PACSIN2: variants seen among roughly 807,000 people sequenced by gnomAD.
PACSIN2 encodes the protein protein kinase C and casein kinase substrate in neurons protein 2.
In PACSIN2, 25 loss-of-function variants were observed where a neutral mutation model predicts 63.8. The observed-to-expected ratio is 0.39, with a 90% CI of 0.29 to 0.55. PACSIN2 has a LOEUF of 0.55. PACSIN2 is among the 20% of genes least tolerant of loss of function. The probability of loss-of-function intolerance (pLI) is 0.62; values close to 1 mark genes in which losing one functional copy is unlikely to be tolerated. For synonymous variants in PACSIN2, 255 were observed against 256.2 expected (o/e 1.00, Z 0.05); for missense variants, 518 against 646.9 (o/e 0.80, Z 2.16).
rs115896675 is a variant in PACSIN2 at position 42,953,325 on chromosome 22, C to T, written c.-77-41168G>A. Reference sequence around the variant, plus strand: ...AAAAAAAAATGCAATGGAAAATGGGCATGATGAAATGCAATCAAAACAAAA... The same window carrying T: ...AAAAAAAAATGCAATGGAAAATGGGTATGATGAAATGCAATCAAAACAAAA... On this transcript the variant is annotated intron_variant, in intron 1 of 10. Coordinates refer to ENST00000263246, the MANE Select transcript of PACSIN2 (RefSeq NM_001184970.3). 7.8e-3 allele frequency among the ~76,000 whole-genome samples: 1,189 copies of T among 151,850 alleles called. 12 individuals carry two copies. Among genetic ancestry groups the T allele is most frequent in the African/African-American group, 0.026 (1,065 of 41,394 alleles).
intron 8 of PACSIN2, among the ~76,000 whole-genome samples, 183 bp from the exon 9 acceptor site, chr22:42,877,193 G>C (rs1020896268): frequency 6.6e-6 from 1 of 152,172 alleles, no homozygotes; most frequent in Admixed American, 6.5e-5. Flanking sequence ...TGTGAAACAC[G>C]GTCCAGGAGC....
chr22:43,013,762 T>C (rs760544361), intron 1 of PACSIN2, among the ~76,000 whole-genome samples: 11 of 152,248 alleles, frequency 7.2e-5, no homozygotes, highest in Non-Finnish European at 1.2e-4. Flanking sequence ...CTCTTTGAGC[T>C]GGTTTCCTGA....
chr22:42,961,566 G>C (rs1156609451), intron 1 of PACSIN2, among the ~76,000 whole-genome samples: 2 of 152,110 alleles, frequency 1.3e-5, no homozygotes, highest in Non-Finnish European at 2.9e-5. Flanking sequence ...GAAGCCAGGA[G>C]TTTGAGACCA....
intron 2 of PACSIN2, among the ~76,000 whole-genome samples, chr22:42,905,725 G>A (rs544745453): frequency 1.3e-5 from 2 of 152,294 alleles, no homozygotes; most frequent in East Asian, 1.9e-4. Flanking sequence ...CAGATTCGAC[G>A]GCCTGCAGCA....
chr22:42,989,892 A>G (rs1357144458), intron 1 of PACSIN2, among the ~76,000 whole-genome samples: 4 of 149,642 alleles, frequency 2.7e-5, no homozygotes, highest in African/African-American at 9.8e-5. Flanking sequence ...ATATACACAC[A>G]CACACACATA....
chr22:42,975,019 C>T (rs1324526737), intron 1 of PACSIN2, among the ~76,000 whole-genome samples: 1 of 152,184 alleles, frequency 6.6e-6, no homozygotes, highest in African/African-American at 2.4e-5. Flanking sequence ...CAGGGAGAGT[C>T]AGCAAGCCCA....
chr22:43,007,190 A>G (rs1415931343), intron 1 of PACSIN2, among the ~76,000 whole-genome samples: 1 of 150,932 alleles, frequency 6.6e-6, no homozygotes, highest in Admixed American at 6.6e-5. Context: ...CCCTGCCCCT[A>G]GCAGCCCCTC....
intron 10 of PACSIN2, among the ~76,000 whole-genome samples, chr22:42,875,461 C>A (rs1339078508): frequency 6.6e-6 from 1 of 152,088 alleles, no homozygotes; most frequent in Non-Finnish European, 1.5e-5. Context: ...CCTCAATCTA[C>A]TGGGCTCAGG....
chr22:42,872,024 C>T (rs1425921022), intron 10 of PACSIN2, among the ~76,000 whole-genome samples: 1 of 152,252 alleles, frequency 6.6e-6, no homozygotes. Context: ...ATGTGTCAAC[C>T]CTTCCTGAGA....
chr22:42,952,673 T>A (rs1212450817), intron 1 of PACSIN2, among the ~76,000 whole-genome samples: 4 of 151,768 alleles, frequency 2.6e-5, no homozygotes, highest in Non-Finnish European at 5.9e-5. Context: ...ATTTATTTTT[T>A]TTTTTTTGAG....
At chr22:42,888,570 G>A in intron 5 of PACSIN2, 73 bp downstream of exon 5, 1 of 1,465,346 alleles carries the variant, frequency 6.8e-7, no homozygotes, top group Non-Finnish European at 9.5e-7. Context: ...AGCAGTTACA[G>A]AAGGCTATAT....
chr22:42,991,954 G>A (rs1923077313), intron 1 of PACSIN2, among the ~76,000 whole-genome samples: 1 of 152,046 alleles, frequency 6.6e-6, no homozygotes, highest in Non-Finnish European at 1.5e-5. Context: ...CTGGGATTAG[G>A]CAAAGATTTT....
At chr22:42,901,753 C>G (rs1040173480) in intron 2 of PACSIN2, among the ~76,000 whole-genome samples, 11 of 152,170 alleles carry the variant, frequency 7.2e-5, no homozygotes, top group African/African-American at 2.4e-4. Flanking sequence ...GTGAGGTGAG[C>G]CTTCAGGATT....
chr22:42,925,207 C>T (rs1358078076), intron 1 of PACSIN2, among the ~76,000 whole-genome samples: 3 of 151,154 alleles, frequency 2.0e-5, no homozygotes, highest in African/African-American at 7.3e-5. Context: ...AGGGCCGGGG[C>T]GGTGGCTCAC....
At chr22:42,879,304 C>G (rs184598493) in intron 7 of PACSIN2, 135 bp from the exon 8 acceptor site, 3 of 927,932 alleles carry the variant, frequency 3.2e-6, no homozygotes, top group East Asian at 5.5e-5. Context: ...CCCCAGCTCT[C>G]CCTGGTTTCC....
chr22:42,977,165 A>G (rs1240886439), intron 1 of PACSIN2, among the ~76,000 whole-genome samples: 2 of 152,066 alleles, frequency 1.3e-5, no homozygotes, highest in Non-Finnish European at 2.9e-5. Flanking sequence ...AGAAACAAAC[A>G]TTTTTACAAA....
At chr22:42,989,441 T>C (rs776599483) in intron 1 of PACSIN2, among the ~76,000 whole-genome samples, 2 of 137,426 alleles carry the variant, frequency 1.5e-5, no homozygotes, top group African/African-American at 2.8e-5. Flanking sequence ...GAGGTTGCAG[T>C]GAGCCGAGAT....
At chr22:42,972,133 A>G (rs1921369934) in intron 1 of PACSIN2, among the ~76,000 whole-genome samples, 1 of 152,258 alleles carries the variant, frequency 6.6e-6, no homozygotes, top group Non-Finnish European at 1.5e-5. Flanking sequence ...AGAAGTAGAC[A>G]TAGGAGACTC....
chr22:42,900,040 C>G (rs908698902), intron 2 of PACSIN2, among the ~76,000 whole-genome samples: 3 of 152,160 alleles, frequency 2.0e-5, no homozygotes, highest in African/African-American at 7.2e-5. Flanking sequence ...GCCCCCATCT[C>G]AGCTCTCTGT....
Sources: allele counts gnomAD v4.1 joint callset (sites outside exome capture counted in the v4.1 genomes callset), GRCh38; gene constraint gnomAD v4.1.1; transcripts MANE v1.5; gene names NCBI Gene and HGNC (gene_info 2026-07-23, HGNC 2026-07-21).